ADIPOR2: variants seen among roughly 807,000 people sequenced by gnomAD.
ADIPOR2 encodes the protein adiponectin receptor protein 2.
A neutral mutation model predicts 40.9 loss-of-function variants in ADIPOR2; 18 were observed. The observed-to-expected ratio is 0.44, with a 90% confidence interval of 0.30 to 0.65. ADIPOR2 has a LOEUF of 0.65. Among genes scored for constraint, ADIPOR2 ranks in the 30% least tolerant of loss-of-function variants. The pLI, the probability that ADIPOR2 is intolerant of heterozygous loss-of-function variation, is 0.09. For synonymous variants in ADIPOR2, 165 were observed against 166.4 expected (o/e 0.99, Z 0.06); for missense variants, 283 against 479.2 (o/e 0.59, Z 3.82).
chr12:1,699,797 G>A (rs1592569507), intron 1 of ADIPOR2, among the ~76,000 whole-genome samples: 2 of 152,202 alleles, frequency 1.3e-5, no homozygotes, highest in South Asian at 2.1e-4. Context: ...AGTACATTTG[G>A]TATTTAGAAA....
chr12:1,692,010 A>G (rs970279695), intron 1 of ADIPOR2, among the ~76,000 whole-genome samples: 1 of 151,824 alleles, frequency 6.6e-6, no homozygotes, highest in Admixed American at 6.6e-5. Flanking sequence ...TTTTTAAAAT[A>G]AGATGTTCTT....
At chr12:1,740,102 C>CA (rs879456929) in intron 1 of ADIPOR2, among the ~76,000 whole-genome samples, 3,166 of 139,516 alleles carry the variant, frequency 0.023, 73 homozygotes, top group African/African-American at 0.075. Context: ...GGCTCCATCT[C>CA]AAAAAAAAAA....
intron 1 of ADIPOR2, among the ~76,000 whole-genome samples, chr12:1,731,470 TC>T (rs2094720162): frequency 6.6e-6 from 1 of 152,186 alleles, no homozygotes; most frequent in South Asian, 2.1e-4. Flanking sequence ...TACTTTATGA[TC>T]CCAATCAGAA....
chr12:1,698,870 A>T (rs1182731699), intron 1 of ADIPOR2, among the ~76,000 whole-genome samples: 1 of 400 alleles, frequency 2.5e-3, no homozygotes, highest in Non-Finnish European at 0.045. Context: ...TTACAAATTA[A>T]AAAAAAAAAT....
intron 2 of ADIPOR2, among the ~76,000 whole-genome samples, chr12:1,759,229 A>C (rs1453798491): frequency 1.3e-5 from 2 of 152,230 alleles, no homozygotes. Flanking sequence ...TTTATTTTGA[A>C]AGCAAATAGA....
At chr12:1,779,235 A>G (rs777048626) in intron 4 of ADIPOR2, among the ~76,000 whole-genome samples, 1 of 152,264 alleles carries the variant, frequency 6.6e-6, no homozygotes, top group Non-Finnish European at 1.5e-5. Flanking sequence ...TTGCAGCAAC[A>G]TTATTCATAA....
chr12:1,716,536 C>T (rs2094687948), intron 1 of ADIPOR2, among the ~76,000 whole-genome samples: 1 of 152,108 alleles, frequency 6.6e-6, no homozygotes, highest in Non-Finnish European at 1.5e-5. Context: ...AAAAATAATG[C>T]ATTTACAACT....
intron 1 of ADIPOR2, among the ~76,000 whole-genome samples, chr12:1,716,152 A>G (rs1565635167): frequency 6.6e-6 from 1 of 152,198 alleles, no homozygotes; most frequent in Non-Finnish European, 1.5e-5. Flanking sequence ...CCGCACACAT[A>G]AAGATGAGGA....
At chr12:1,753,134 A>G (rs912620639) in intron 1 of ADIPOR2, among the ~76,000 whole-genome samples, 4 of 152,090 alleles carry the variant, frequency 2.6e-5, no homozygotes, top group South Asian at 2.1e-4. Flanking sequence ...CCTTCTTTTT[A>G]TGGTATCTGG....
chr12:1,714,653 G>A (rs773816410), intron 1 of ADIPOR2, among the ~76,000 whole-genome samples: 60 of 151,978 alleles, frequency 3.9e-4, no homozygotes, highest in South Asian at 2.1e-4. Flanking sequence ...GATCTGAGTC[G>A]AGGACCCGGT....
intron 7 of ADIPOR2, among the ~76,000 whole-genome samples, 191 bp downstream of exon 7, chr12:1,784,264 C>T (rs1248102479): frequency 6.6e-6 from 1 of 152,218 alleles, no homozygotes. Context: ...TTCCTTGGTG[C>T]TCAGCATGGT....
At chr12:1,757,828 TCTTTA>T in intron 2 of ADIPOR2, 1 of 837,194 alleles carries the variant, frequency 1.2e-6, no homozygotes, top group South Asian at 1.3e-5. Flanking sequence ...CATGTAATCT[TCTTTA>T]CTTCATCTCC....
At chr12:1,699,392 C>T (rs764163933) in intron 1 of ADIPOR2, among the ~76,000 whole-genome samples, 10 of 152,022 alleles carry the variant, frequency 6.6e-5, no homozygotes, top group Non-Finnish European at 1.3e-4. Context: ...CCAAGGTGGG[C>T]GGATCACCTG....
At chr12:1,785,639 CACTTTA>C (rs1490328337) in intron 7 of ADIPOR2, among the ~76,000 whole-genome samples, 1 of 51,890 alleles carries the variant, frequency 1.9e-5, no homozygotes, top group Non-Finnish European at 7.1e-5. Flanking sequence ...TGTCATTTGC[CACTTTA>C]GCAAGAGAGT....
At chr12:1,707,542 G>A (rs2094665957) in intron 1 of ADIPOR2, among the ~76,000 whole-genome samples, 1 of 152,014 alleles carries the variant, frequency 6.6e-6, no homozygotes, top group Non-Finnish European at 1.5e-5. Context: ...CTGGCTCACT[G>A]CAGTCTTGAC....
chr12:1,770,385 A>T (rs1444064768), intron 2 of ADIPOR2, among the ~76,000 whole-genome samples: 1 of 152,254 alleles, frequency 6.6e-6, no homozygotes, highest in South Asian at 2.1e-4. Context: ...TTGTATGAGA[A>T]TAAAGACTCT....
At chr12:1,740,270 A>C (rs2094739782) in intron 1 of ADIPOR2, among the ~76,000 whole-genome samples, 1 of 152,222 alleles carries the variant, frequency 6.6e-6, no homozygotes, top group South Asian at 2.1e-4. Context: ...TAGGCCTGCC[A>C]TAAAGTACTG....
intron 1 of ADIPOR2, among the ~76,000 whole-genome samples, chr12:1,735,318 G>T (rs1172034154): frequency 6.6e-6 from 1 of 152,186 alleles, no homozygotes; most frequent in African/African-American, 2.4e-5. Context: ...CACGTCCCTT[G>T]TAAGTTGGAT....
intron 6 of ADIPOR2, among the ~76,000 whole-genome samples, chr12:1,782,922 T>A (rs1862747042): frequency 6.6e-6 from 1 of 151,922 alleles, no homozygotes; most frequent in African/African-American, 2.4e-5. Flanking sequence ...GGTTATAGAT[T>A]TAGATTAAAT....
Sources: allele counts gnomAD v4.1 joint callset (sites outside exome capture counted in the v4.1 genomes callset), GRCh38; gene constraint gnomAD v4.1.1; transcripts MANE v1.5; gene names NCBI Gene and HGNC (gene_info 2026-07-23, HGNC 2026-07-21).